Variants in NCKAP1 observed in about 807,000 individuals in gnomAD.
The protein encoded by NCKAP1 is nck-associated protein 1.
A neutral mutation model predicts 151.2 loss-of-function variants in NCKAP1; 21 were observed. The observed-to-expected ratio is 0.14, with a 90% CI of 0.10 to 0.20. The LOEUF is 0.20. NCKAP1 is among the 10% of genes least tolerant of loss of function. NCKAP1 has a pLI of 1.00. For missense variants in NCKAP1, 933 were observed against 1,352.1 expected, an observed-to-expected ratio of 0.69 and a Z score of 4.86; for synonymous variants, 484 against 451.8, an observed-to-expected ratio of 1.07 and a Z score of -0.90.
chr2:182,987,393 TAC>T (rs1290391427), intron 9 of NCKAP1, among the ~76,000 whole-genome samples: 3 of 152,218 alleles, frequency 2.0e-5, no homozygotes, highest in Non-Finnish European at 4.4e-5. Context: ...CTATAATTAA[TAC>T]ACTTTTATAC....
At chr2:182,998,846 AAAAAAAAAAAAG>A (rs1218597563) in intron 6 of NCKAP1, among the ~76,000 whole-genome samples, 7 of 147,180 alleles carry the variant, frequency 4.8e-5, no homozygotes, top group South Asian at 2.2e-4. Context: ...AAAAAAAAAA[AAAAAAAAAAAAG>A]GGGGGAAGGA....
chr2:182,955,574 T>C (rs1433024015), intron 20 of NCKAP1, among the ~76,000 whole-genome samples: 2 of 152,190 alleles, frequency 1.3e-5, no homozygotes, highest in African/African-American at 2.4e-5. Context: ...TAGAATTCTA[T>C]TGGCTTATTT....
intron 18 of NCKAP1, among the ~76,000 whole-genome samples, chr2:182,961,195 C>G (rs981752358): frequency 1.3e-5 from 2 of 152,092 alleles, no homozygotes; most frequent in African/African-American, 4.8e-5. Flanking sequence ...GGATCTAGAA[C>G]TAGAAATACC....
chr2:182,965,299 A>C (rs1307339249), intron 16 of NCKAP1, among the ~76,000 whole-genome samples: 1 of 151,378 alleles, frequency 6.6e-6, no homozygotes, highest in East Asian at 1.9e-4. Flanking sequence ...ATTGCCAATT[A>C]AATAATCACA....
intron 13 of NCKAP1, among the ~76,000 whole-genome samples, chr2:182,980,954 T>C (rs1469345902): frequency 1.3e-5 from 2 of 152,200 alleles, no homozygotes; most frequent in African/African-American, 4.8e-5. Flanking sequence ...TAACCTCCTC[T>C]TTCCCAAGGC....
intron 15 of NCKAP1, among the ~76,000 whole-genome samples, chr2:182,970,997 C>G (rs1697675353): frequency 1.3e-5 from 2 of 151,718 alleles, no homozygotes; most frequent in Non-Finnish European, 2.9e-5. Flanking sequence ...TTTACAATAA[C>G]TACCAAAAAA....
chr2:182,986,265 G>C, intron 9 of NCKAP1, 38 bp from the exon 10 acceptor site: 1 of 1,504,884 alleles, frequency 6.6e-7, no homozygotes, highest in South Asian at 1.1e-5. Context: ...AGTTTAATTT[G>C]ATCAATAACT....
chr2:182,986,264 T>A, intron 9 of NCKAP1, 37 bp from the exon 10 acceptor site: 1 of 1,521,894 alleles, frequency 6.6e-7, no homozygotes. Flanking sequence ...TAGTTTAATT[T>A]GATCAATAAC....
intron 1 of NCKAP1, among the ~76,000 whole-genome samples, chr2:183,036,815 C>CA (rs143710680): frequency 0.073 from 9,669 of 133,282 alleles, 1,151 homozygotes; most frequent in African/African-American, 0.26. Flanking sequence ...AATGAATTTC[C>CA]AAAGAAAAAA....
chr2:182,984,451 T>TGTGTGTGTGTGTGTGTGTGTGTG (rs1188952902), intron 10 of NCKAP1, among the ~76,000 whole-genome samples: 32 of 144,320 alleles, frequency 2.2e-4, no homozygotes, highest in Non-Finnish European at 3.3e-4. Flanking sequence ...TGTGTGTGTG[T>TGTGTGTGTGTGTGTGTGTGTGTG]TGCCTATGCC....
intron 7 of NCKAP1, 27 bp from the exon 8 acceptor site, chr2:182,994,914 A>T (rs755936448): frequency 6.4e-7 from 1 of 1,558,554 alleles, no homozygotes; most frequent in South Asian, 1.1e-5. Context: ...ATACATTTGC[A>T]GTTAAAAGAA....
At chr2:182,957,361 C>T in intron 19 of NCKAP1, 96 bp downstream of exon 19, 2 of 1,216,876 alleles carry the variant, frequency 1.6e-6, no homozygotes, top group South Asian at 2.2e-5. Context: ...GAAGAATATA[C>T]AATTATTAGC....
intron 1 of NCKAP1, among the ~76,000 whole-genome samples, chr2:183,031,464 A>G (rs1699002614): frequency 6.6e-6 from 1 of 152,232 alleles, no homozygotes; most frequent in African/African-American, 2.4e-5. Flanking sequence ...CTGAAATACA[A>G]ATAATTATTC....
At chr2:182,960,144 T>C (rs1231608650) in intron 18 of NCKAP1, among the ~76,000 whole-genome samples, 1 of 152,076 alleles carries the variant, frequency 6.6e-6, no homozygotes, top group African/African-American at 2.4e-5. Flanking sequence ...ATCGTGAAAA[T>C]GGCTACACTG....
At chr2:182,939,042 T>C (rs1416321764) in intron 24 of NCKAP1, among the ~76,000 whole-genome samples, 1 of 152,156 alleles carries the variant, frequency 6.6e-6, no homozygotes, top group Non-Finnish European at 1.5e-5. Context: ...GGTTTGTAGA[T>C]GATGGCAGAA....
chr2:182,934,096 T>C (rs973433767), intron 26 of NCKAP1, among the ~76,000 whole-genome samples: 26 of 152,116 alleles, frequency 1.7e-4, no homozygotes, highest in African/African-American at 6.0e-4. Flanking sequence ...CTTAAACTTA[T>C]TGAATTTCAT....
At chr2:182,942,363 T>C (rs1462967733) in intron 23 of NCKAP1, among the ~76,000 whole-genome samples, 200 bp from the exon 24 acceptor site, 2 of 152,136 alleles carry the variant, frequency 1.3e-5, no homozygotes, top group Non-Finnish European at 2.9e-5. Flanking sequence ...CCCTTCAGTT[T>C]ACAAATTCAA....
chr2:183,034,012 A>T (rs1017063309), intron 1 of NCKAP1, among the ~76,000 whole-genome samples: 2 of 152,200 alleles, frequency 1.3e-5, no homozygotes, highest in African/African-American at 4.8e-5. Context: ...AATTAAAAAT[A>T]ATTATTTTCC....
chr2:182,962,729 T>G (rs995714469), intron 17 of NCKAP1, among the ~76,000 whole-genome samples: 10 of 151,386 alleles, frequency 6.6e-5, no homozygotes, highest in African/African-American at 1.9e-4. Flanking sequence ...AAAGAAGAGC[T>G]CAAATGTTTA....
Sources: allele counts gnomAD v4.1 joint callset (sites outside exome capture counted in the v4.1 genomes callset), GRCh38; gene constraint gnomAD v4.1.1; transcripts MANE v1.5; gene names NCBI Gene and HGNC (gene_info 2026-07-23, HGNC 2026-07-21).